GOLM2: variants seen among roughly 807,000 people sequenced by gnomAD.
The protein encoded by GOLM2 is protein GOLM2.
GOLM2 carries 26 observed loss-of-function variants against 55.9 expected under a neutral mutation model. The observed-to-expected ratio is 0.47, with a 90% CI of 0.34 to 0.65. GOLM2 has a LOEUF of 0.65. Ranked by LOEUF, GOLM2 falls within the 30% of genes least tolerant of loss-of-function variation. GOLM2 has a pLI of 0.01. For missense variants in GOLM2, 486 were observed against 531.8 expected (o/e 0.91, Z 0.85); for synonymous variants, 165 against 194.6 (o/e 0.85, Z 1.27).
At chr15:44,302,146 A>T (rs2078802949) in intron 1 of GOLM2, among the ~76,000 whole-genome samples, 2 of 141,120 alleles carry the variant, frequency 1.4e-5, no homozygotes, top group Non-Finnish European at 3.1e-5. Context: ...TTTACATTTA[A>T]TTTTTTTTTT....
intron 8 of GOLM2, among the ~76,000 whole-genome samples, chr15:44,381,811 C>T (rs905620163): frequency 6.6e-6 from 1 of 151,884 alleles, no homozygotes; most frequent in Non-Finnish European, 1.5e-5. Flanking sequence ...TATTTTATTT[C>T]TTTATTTTTA....
chr15:44,399,230 C>A (rs767379873), intron 8 of GOLM2, among the ~76,000 whole-genome samples: 3 of 152,054 alleles, frequency 2.0e-5, no homozygotes, highest in Non-Finnish European at 4.4e-5. Context: ...TTTGTCTGTA[C>A]CGTTATATTC....
At chr15:44,345,099 C>T (rs2079115074) in intron 6 of GOLM2, among the ~76,000 whole-genome samples, 1 of 151,754 alleles carries the variant, frequency 6.6e-6, no homozygotes, top group Non-Finnish European at 1.5e-5. Context: ...GCGTGAGCCA[C>T]CGCGCCTGGC....
chr15:44,366,597 G>A (rs1472688806), intron 6 of GOLM2, among the ~76,000 whole-genome samples: 1 of 152,162 alleles, frequency 6.6e-6, no homozygotes, highest in African/African-American at 2.4e-5. Context: ...TGACGCCATT[G>A]CACTCCAACT....
At chr15:44,297,303 G>A (rs2078762929) in intron 1 of GOLM2, among the ~76,000 whole-genome samples, 2 of 152,192 alleles carry the variant, frequency 1.3e-5, no homozygotes, top group African/African-American at 2.4e-5. Context: ...TTTCAGAGTG[G>A]CTGTATGACT....
chr15:44,354,331 G>A (rs998978615), intron 6 of GOLM2, among the ~76,000 whole-genome samples: 1 of 150,644 alleles, frequency 6.6e-6, no homozygotes, highest in African/African-American at 2.4e-5. Context: ...GATAGCATTA[G>A]GAGATATACC....
intron 1 of GOLM2, among the ~76,000 whole-genome samples, chr15:44,319,563 G>T (rs918138319): frequency 6.6e-6 from 1 of 151,878 alleles, no homozygotes; most frequent in Non-Finnish European, 1.5e-5. Context: ...TGTGAGTGGG[G>T]TTTTTGTTTG....
In GOLM2 at chr15:44,338,320, A is replaced by G. The variant is rs773324046; in HGVS notation, c.802+3A>G. 6.2e-7 allele frequency: 1 copy of G among 1,609,844 alleles called. No homozygotes were observed. Among genetic ancestry groups the G allele is most frequent in the Non-Finnish European group, 8.5e-7 (1 of 1,176,418 alleles). On this transcript the variant is annotated splice_donor_region_variant and intron_variant, in intron 6 of 9. Coordinates refer to ENST00000299957, the MANE Select transcript of GOLM2 (RefSeq NM_138423.4). ...AAAAGTTGATGATCTTCCCCCTGGTAAGTAAAAATTGTTAGAGAATTCGAC... is the reference window on the plus strand; with the variant it reads ...AAAAGTTGATGATCTTCCCCCTGGTGAGTAAAAATTGTTAGAGAATTCGAC...
At chr15:44,327,631 C>T (rs1483384592) in intron 2 of GOLM2, among the ~76,000 whole-genome samples, 1 of 152,150 alleles carries the variant, frequency 6.6e-6, no homozygotes, top group Non-Finnish European at 1.5e-5. Flanking sequence ...ACTACTTTTG[C>T]TTAACTGCTA....
intron 1 of GOLM2, among the ~76,000 whole-genome samples, chr15:44,317,433 G>A (rs1302057782): frequency 6.6e-6 from 1 of 152,176 alleles, no homozygotes; most frequent in Non-Finnish European, 1.5e-5. Context: ...TACAAAGGAA[G>A]ATGATGTTCT....
chr15:44,302,388 G>A (rs868208850), intron 1 of GOLM2, among the ~76,000 whole-genome samples: 1 of 151,940 alleles, frequency 6.6e-6, no homozygotes, highest in Non-Finnish European at 1.5e-5. Flanking sequence ...CAAGTGATCT[G>A]TTCACCTCGG....
At chr15:44,364,820 T>G (rs567964760) in intron 6 of GOLM2, among the ~76,000 whole-genome samples, 46 of 152,292 alleles carry the variant, frequency 3.0e-4, no homozygotes, top group African/African-American at 1.0e-3. Context: ...TCATGTGTTA[T>G]CAGGGAAATC....
intron 8 of GOLM2, among the ~76,000 whole-genome samples, chr15:44,383,777 A>G (rs1242909565): frequency 6.6e-6 from 1 of 151,076 alleles, no homozygotes; most frequent in Non-Finnish European, 1.5e-5. Context: ...CCTGGGTTCA[A>G]ATGATCCTCC....
rs962939468 is a variant in GOLM2 at position 44,332,028 on chromosome 15, C to A, written c.526C>A (p.His176Asn). Residue 176 changes from histidine to asparagine, a missense_variant, in exon 4 of 10, where the codon CAT becomes AAT. His to Asn is a moderately conservative substitution (Grantham distance 68, BLOSUM62 1). Coordinates refer to ENST00000299957, the MANE Select transcript of GOLM2 (RefSeq NM_138423.4). ...GQQMKELRAQ[H>N]EENIKKLADQ... ...GCAGATGAAGGAATTGAGAGCACAG[C>A]ATGAAGAAAATATTAAAAAGTTAGC... The A allele has an allele frequency of 2.3e-5, 37 of 1,603,614 alleles. No homozygotes were observed. The highest frequency in any genetic ancestry group is 1.0e-4 in the Admixed American group (6 of 59,164).
intron 1 of GOLM2, among the ~76,000 whole-genome samples, chr15:44,296,823 G>A (rs909874375): frequency 2.0e-5 from 3 of 152,056 alleles, no homozygotes; most frequent in Non-Finnish European, 2.9e-5. Context: ...CCTCCCATAG[G>A]TGTCTTAGCT....
intron 6 of GOLM2, chr15:44,345,956 T>C (rs1257204677): frequency 6.6e-6 from 1 of 152,048 alleles, no homozygotes; most frequent in African/African-American, 2.4e-5. Flanking sequence ...GGCTGAAGTA[T>C]AGTAGCGTGA....
At chr15:44,362,610 A>G (rs1426938169) in intron 6 of GOLM2, among the ~76,000 whole-genome samples, 1 of 152,210 alleles carries the variant, frequency 6.6e-6, no homozygotes, top group Non-Finnish European at 1.5e-5. Flanking sequence ...GAAAATGGCC[A>G]TACTGCCCAA....
intron 6 of GOLM2, among the ~76,000 whole-genome samples, chr15:44,372,286 C>T (rs568507469): frequency 6.6e-6 from 1 of 152,276 alleles, no homozygotes; most frequent in South Asian, 2.1e-4. Context: ...TTGAGGACCA[C>T]TGCTTATCAG....
chr15:44,310,010 A>T (rs1372567213), intron 1 of GOLM2, among the ~76,000 whole-genome samples: 2 of 152,028 alleles, frequency 1.3e-5, no homozygotes, highest in Non-Finnish European at 2.9e-5. Flanking sequence ...CAGCCTCCTG[A>T]GTAGCTGGAA....
Sources: gnomAD v4.1 joint callset for allele counts (sites outside exome capture counted in the v4.1 genomes callset) on GRCh38, gnomAD v4.1.1 for gene constraint, MANE v1.5 for transcripts, NCBI Gene and HGNC (gene_info 2026-07-23, HGNC 2026-07-21) for gene names.